Variants in CCDC150 observed in about 807,000 individuals in gnomAD.
CCDC150 encodes the protein coiled-coil domain-containing protein 150.
In CCDC150, 151 loss-of-function variants were observed where a neutral mutation model predicts 156.5. The observed-to-expected ratio is 0.97, with a 90% CI of 0.85 to 1.10. The LOEUF (loss-of-function observed/expected upper bound fraction) is 1.10, where lower values mean the gene tolerates loss of function less well. Ranked by LOEUF, CCDC150 falls within the 50% of genes least tolerant of loss-of-function variation. The pLI is 0.00. For synonymous variants in CCDC150, 452 were observed against 429.4 expected (o/e 1.05, Z -0.65); for missense variants, 1,312 against 1,268.1 (o/e 1.03, Z -0.53).
chr2:196,715,258 A>G (rs1559269623), intron 17 of CCDC150, among the ~76,000 whole-genome samples: 2 of 152,300 alleles, frequency 1.3e-5, no homozygotes, highest in East Asian at 3.9e-4. Context: ...AATCTTATCA[A>G]TAAGAGACTG....
At chr2:196,725,370 T>TCA (rs1321426660) in intron 21 of CCDC150, among the ~76,000 whole-genome samples, 1 of 152,110 alleles carries the variant, frequency 6.6e-6, no homozygotes, top group Non-Finnish European at 1.5e-5. Context: ...CTACACTCCC[T>TCA]CACACACACA....
At chr2:196,711,686 G>A (rs1476243201) in intron 15 of CCDC150, among the ~76,000 whole-genome samples, 1 of 152,076 alleles carries the variant, frequency 6.6e-6, no homozygotes, top group Non-Finnish European at 1.5e-5. Flanking sequence ...TTGTGTCAGT[G>A]AAACACAAGA....
At chr2:196,705,750 AG>A (rs1333039339) in intron 15 of CCDC150, among the ~76,000 whole-genome samples, 2 of 152,226 alleles carry the variant, frequency 1.3e-5, no homozygotes, top group African/African-American at 4.8e-5. Flanking sequence ...GAAGGGATCC[AG>A]TTTCAGCTTT....
At chr2:196,697,317 GTTT>G (rs910693774) in intron 14 of CCDC150, among the ~76,000 whole-genome samples, 3 of 151,624 alleles carry the variant, frequency 2.0e-5, no homozygotes, top group Non-Finnish European at 4.4e-5. Context: ...TGTTGTTGTT[GTTT>G]TTTGCCATTT....
intron 4 of CCDC150, 176 bp downstream of exon 4, chr2:196,657,312 TA>T: frequency 1.7e-6 from 1 of 588,828 alleles, no homozygotes; most frequent in Non-Finnish European, 3.0e-6. Context: ...ACTGATAACC[TA>T]AACCACTGTG....
intron 10 of CCDC150, among the ~76,000 whole-genome samples, chr2:196,675,415 T>C (rs1694432667): frequency 6.6e-6 from 1 of 152,112 alleles, no homozygotes. Flanking sequence ...TGGGATCCCA[T>C]TTTACCAGTG....
rs370426343 is a variant in CCDC150 at position 196,656,713 on chromosome 2, G to T, written c.257G>T (p.Cys86Phe). The T allele has an allele frequency of 2.5e-6, 4 of 1,613,810 alleles. No homozygotes were observed. The highest frequency in any genetic ancestry group is 2.5e-6 in the Non-Finnish European group (3 of 1,179,794). The change falls in exon 3 of 28, where the codon TGT becomes TTT. Residue 86 changes from cysteine to phenylalanine, a missense_variant. Cys to Phe is a radical substitution (Grantham distance 205). Transcript: ENST00000389175. ...AGTCCTATCCAAAATGAAGCAATTT[G>T]TGCAGGAAAAACAGATATTTTATGG... ...VISPIQNEAI[C>F]AGKTDILWKN...
intron 14 of CCDC150, among the ~76,000 whole-genome samples, chr2:196,698,412 C>T (rs1478874850): frequency 1.3e-5 from 2 of 151,954 alleles, no homozygotes; most frequent in African/African-American, 4.8e-5. Flanking sequence ...TTTCTTTATG[C>T]CTTTGCCTGA....
At chr2:196,646,578 C>A in intron 2 of CCDC150, 74 bp downstream of exon 2, 3 of 1,077,484 alleles carry the variant, frequency 2.8e-6, no homozygotes, top group Non-Finnish European at 4.2e-6. Flanking sequence ...AGTAGTTTGG[C>A]AGATGAGATG....
At chr2:196,720,778 C>G (rs1054878310) in intron 20 of CCDC150, 110 bp downstream of exon 20, 2 of 975,328 alleles carry the variant, frequency 2.1e-6, no homozygotes, top group Non-Finnish European at 3.0e-6. Context: ...TTTTTTCAAT[C>G]AAGTCTGAGT....
chr2:196,719,836 A>G (rs1050202862), intron 19 of CCDC150, 170 bp downstream of exon 19: 4 of 482,226 alleles, frequency 8.3e-6, no homozygotes, highest in African/African-American at 8.0e-5. Flanking sequence ...TTAGAAATAA[A>G]TATTATTTCC....
chr2:196,730,868 G>A lies in CCDC150; in HGVS notation c.2992G>A (p.Glu998Lys). The A allele has an allele frequency of 6.3e-7, 1 of 1,594,210 alleles. No homozygotes were observed. Among genetic ancestry groups the A allele is most frequent in the Non-Finnish European group, 8.5e-7 (1 of 1,170,096 alleles). The change falls in exon 26 of 28, where the codon GAA becomes AAA. Residue 998 changes from glutamate (E) to lysine (K), a missense_variant. Coordinates refer to ENST00000389175, the MANE Select transcript of CCDC150 (RefSeq NM_001080539.2). ...TGTATCACATTTTCAGGAATTGGAA[G>A]AAACTGTCAGACACCTGAAGAAATG... ...ELENRCQELE[E>K]TVRHLKKCKE...
chr2:196,649,885 G>A (rs1002182699), intron 2 of CCDC150, among the ~76,000 whole-genome samples: 4 of 152,060 alleles, frequency 2.6e-5, no homozygotes, highest in Non-Finnish European at 4.4e-5. Context: ...TATTGTAATC[G>A]TTTTTTGGTA....
At chr2:196,695,240 G>T in intron 14 of CCDC150, 81 bp downstream of exon 14, 2 of 653,450 alleles carry the variant, frequency 3.1e-6, no homozygotes, top group Non-Finnish European at 5.3e-6. Flanking sequence ...TCAGGAGATG[G>T]GTTTTCTTTG....
intron 17 of CCDC150, among the ~76,000 whole-genome samples, chr2:196,714,479 A>AGT (rs1340228447): frequency 6.6e-6 from 1 of 151,572 alleles, no homozygotes; most frequent in Non-Finnish European, 1.5e-5. Context: ...TAGGGAGAGT[A>AGT]GTAGCCTTTG....
At chr2:196,651,542 G>T (rs1046175503) in intron 2 of CCDC150, among the ~76,000 whole-genome samples, 10 of 152,140 alleles carry the variant, frequency 6.6e-5, no homozygotes, top group African/African-American at 2.4e-4. Flanking sequence ...GCATTGCTGA[G>T]ATAGTATTCT....
intron 27 of CCDC150, 33 bp from the exon 28 acceptor site, chr2:196,732,413 C>T: frequency 6.8e-7 from 1 of 1,478,564 alleles, no homozygotes; most frequent in Non-Finnish European, 9.5e-7. Flanking sequence ...TAGCTCTGAA[C>T]AGTCAGTGTT....
At chr2:196,650,860 G>T (rs1347271477) in intron 2 of CCDC150, among the ~76,000 whole-genome samples, 2 of 152,158 alleles carry the variant, frequency 1.3e-5, no homozygotes, top group African/African-American at 2.4e-5. Flanking sequence ...AAAAGAATGG[G>T]TATTCTGCAT....
intron 15 of CCDC150, among the ~76,000 whole-genome samples, chr2:196,702,463 T>A (rs1559256501): frequency 6.6e-6 from 1 of 151,676 alleles, no homozygotes; most frequent in Non-Finnish European, 1.5e-5. Context: ...CGGGCTCAAA[T>A]GTTCCTCCCA....
Sources: allele counts gnomAD v4.1 joint callset (sites outside exome capture counted in the v4.1 genomes callset), GRCh38; gene constraint gnomAD v4.1.1; transcripts MANE v1.5; gene names NCBI Gene and HGNC (gene_info 2026-07-23, HGNC 2026-07-21).